Variants in TET3 observed in about 807,000 individuals in gnomAD.
TET3 encodes tet methylcytosine dioxygenase 3.
A neutral mutation model predicts 141.4 loss-of-function variants in TET3; 19 were observed. That is an observed-to-expected ratio of 0.13 (90% confidence interval 0.09 to 0.20). TET3 has a LOEUF of 0.20. TET3 is among the 10% of genes least tolerant of loss of function. The pLI is 1.00. For synonymous variants in TET3, 1,043 were observed against 980.9 expected, an observed-to-expected ratio of 1.06 and a Z score of -1.18; for missense variants, 1,874 against 2,356.9, an observed-to-expected ratio of 0.80 and a Z score of 4.24.
the TET3 span, chr2:74,122,007 A>C: frequency 6.6e-6 from 1 of 152,272 alleles, no homozygotes; most frequent in Non-Finnish European, 1.5e-5. Flanking sequence ...CAAAGAAAAA[A>C]GTCTGTAGTG....
At chr2:74,073,512 G>T (rs1689326962) in intron 4 of TET3, 37 bp from the exon 5 acceptor site, 2 of 1,496,440 alleles carry the variant, frequency 1.3e-6, no homozygotes, top group South Asian at 1.2e-5. Flanking sequence ...TTGACTAATT[G>T]ATATTCCAAA....
chr2:74,124,246 C>A, the TET3 span, among the ~76,000 whole-genome samples: 1 of 150,580 alleles, frequency 6.6e-6, no homozygotes, highest in Non-Finnish European at 1.5e-5. Flanking sequence ...AGCCAGCCGC[C>A]CCGTCCGGGA....
the TET3 span, among the ~76,000 whole-genome samples, chr2:74,123,465 A>T: frequency 6.6e-6 from 1 of 152,222 alleles, no homozygotes; most frequent in African/African-American, 2.4e-5. Context: ...AAAAATACAA[A>T]AAACTGGACC....
At chr2:74,021,781 A>G (rs1573711421) in intron 3 of TET3, among the ~76,000 whole-genome samples, 1 of 152,234 alleles carries the variant, frequency 6.6e-6, no homozygotes, top group East Asian at 1.9e-4. Flanking sequence ...AACTAATGTT[A>G]ACAAAAGAGG....
intron 4 of TET3, among the ~76,000 whole-genome samples, chr2:74,053,250 C>G (rs575540496): frequency 2.7e-4 from 41 of 152,284 alleles, no homozygotes; most frequent in African/African-American, 9.1e-4. Context: ...GAGTCCCCCC[C>G]CAACCATCCT....
intron 3 of TET3, among the ~76,000 whole-genome samples, chr2:74,029,222 A>G (rs551540272): frequency 1.3e-5 from 2 of 152,228 alleles, no homozygotes; most frequent in Non-Finnish European, 2.9e-5. Context: ...ACCTGTTGTT[A>G]TCAAGGTTGC....
At chr2:74,119,440 T>C in the TET3 span, among the ~76,000 whole-genome samples, 1 of 152,206 alleles carries the variant, frequency 6.6e-6, no homozygotes. Context: ...ATTTGTCTGA[T>C]TGTTTCTTCA....
chr2:74,114,960 G>C, the TET3 span, among the ~76,000 whole-genome samples: 5 of 150,766 alleles, frequency 3.3e-5, no homozygotes, highest in African/African-American at 1.2e-4. Context: ...ACTCAAAATG[G>C]ACCAAAGACC....
intron 3 of TET3, among the ~76,000 whole-genome samples, chr2:74,040,855 A>C (rs1009885120): frequency 6.6e-6 from 1 of 152,126 alleles, no homozygotes; most frequent in Non-Finnish European, 1.5e-5. Flanking sequence ...CGATCGCGCA[A>C]CTGCACTCCA....
chr2:74,041,624 T>C (rs1474540613), intron 3 of TET3, among the ~76,000 whole-genome samples: 1 of 152,246 alleles, frequency 6.6e-6, no homozygotes, highest in Non-Finnish European at 1.5e-5. Flanking sequence ...AGTACTGTTT[T>C]ACAAAACTTG....
intron 3 of TET3, among the ~76,000 whole-genome samples, chr2:74,004,700 G>A (rs150937221): frequency 6.6e-5 from 10 of 152,230 alleles, no homozygotes; most frequent in Admixed American, 1.3e-4. Context: ...CAGTTGATAC[G>A]GGCGATACTG....
At chr2:74,061,000 A>G (rs1407650437) in intron 4 of TET3, among the ~76,000 whole-genome samples, 3 of 152,048 alleles carry the variant, frequency 2.0e-5, no homozygotes, top group Non-Finnish European at 4.4e-5. Context: ...CGCCACTGTC[A>G]TCATGGCCCG....
chr2:74,093,139 G>A lies in TET3; in HGVS notation c.3129+148G>A. The A allele has an allele frequency of 3.9e-6, 3 of 766,786 alleles. No individual in the cohort carries two copies. The South Asian group carries it at 5.6e-5, about 14-fold the overall frequency. 47.5% of individuals were successfully genotyped at this position (766,786 alleles called of 1,614,324 possible). On this transcript the variant is annotated intron_variant, in intron 9 of 11. Transcript: ENST00000409262. The surrounding 1 kb of genome is among the most constrained non-coding windows in gnomAD (Gnocchi z 4.2). The stretch of plus-strand genomic sequence containing the variant: ...GTAAAGCGATATGATGTGGTTCTTT[G>A]ATAAAAACCCCTTTTTTACACCAGG...
downstream of TET3, among the ~76,000 whole-genome samples, chr2:74,109,096 G>A (rs776574260): frequency 2.6e-4 from 40 of 152,292 alleles, no homozygotes; most frequent in Admixed American, 8.5e-4. Context: ...TTTCCTCCTT[G>A]AGTTGGAAGA....
chr2:74,019,797 A>G (rs61099874), intron 3 of TET3, among the ~76,000 whole-genome samples: 3,497 of 152,148 alleles, frequency 0.023, 144 homozygotes, highest in African/African-American at 0.081. Context: ...GTCCTGGGCC[A>G]TTTTTCCACG....
intron 4 of TET3, among the ~76,000 whole-genome samples, chr2:74,073,062 A>G (rs968572472): frequency 6.6e-5 from 10 of 152,252 alleles, no homozygotes; most frequent in African/African-American, 1.9e-4. Flanking sequence ...ACATTGGCAT[A>G]CAAGTATCTG....
chr2:73,998,533 C>T, intron 2 of TET3: 1 of 152,508 alleles, frequency 6.6e-6, no homozygotes, highest in East Asian at 1.9e-4. Context: ...AGAGAAGCAT[C>T]TTTTCTTCTT....
At chr2:73,995,556 A>G (rs1354730776) in intron 2 of TET3, among the ~76,000 whole-genome samples, 1 of 152,224 alleles carries the variant, frequency 6.6e-6, no homozygotes, top group Admixed American at 6.5e-5. Context: ...CATCGGCCAC[A>G]GGTAGCTATT....
chr2:74,083,977 G>A (rs1332452412), intron 6 of TET3, among the ~76,000 whole-genome samples: 1 of 152,168 alleles, frequency 6.6e-6, no homozygotes, highest in Non-Finnish European at 1.5e-5. Context: ...GTCGATGCCC[G>A]TGATGCACTC....
Sources: gnomAD v4.1 joint callset for allele counts (sites outside exome capture counted in the v4.1 genomes callset) on GRCh38, gnomAD v4.1.1 for gene constraint, Gnocchi (gnomAD v3.1) non-coding constraint, MANE v1.5 for transcripts, NCBI Gene and HGNC (gene_info 2026-07-23, HGNC 2026-07-21) for gene names.